Variants in CHD1L observed in about 807,000 individuals in gnomAD.
CHD1L encodes chromodomain helicase DNA binding protein 1 like.
Under a neutral mutation model 115.9 loss-of-function variants are expected in CHD1L, and 118 were observed. The observed-to-expected ratio is 1.02, with a 90% confidence interval of 0.88 to 1.19. The LOEUF is 1.19. Among genes scored for constraint, CHD1L ranks in the 50% most tolerant of loss-of-function variants. The probability of loss-of-function intolerance (pLI) is 0.00; values close to 1 mark genes in which losing one functional copy is unlikely to be tolerated. For synonymous variants in CHD1L, 411 were observed against 387.1 expected (o/e 1.06, Z -0.72); for missense variants, 1,179 against 1,065.3 (o/e 1.11, Z -1.49).
chr1:147,276,124 T>C lies in CHD1L; in HGVS notation c.1406T>C (p.Leu469Pro). 1 of 1,614,172 alleles carries C rather than the reference T, an allele frequency of 6.2e-7. No homozygotes were observed. The highest frequency in any genetic ancestry group is 8.5e-7 in the Non-Finnish European group (1 of 1,180,002). ...GQNKSVKVIR[L>P]IGRDTVEEIV... ...TCCAGGTCTGTTAAAGTTATTCGGC[T>C]GATTGGTCGAGACACTGTGGAAGAA... Residue 469 changes from leucine (L) to proline (P), a missense_variant, in exon 14 of 23, where the codon CTG becomes CCG. By Grantham distance (98) the Leu-to-Pro change is moderately conservative. Coordinates refer to ENST00000369258, the MANE Select transcript of CHD1L (RefSeq NM_004284.6).
At chr1:147,242,903 C>A in intron 1 of CHD1L, 73 bp downstream of exon 1, 1 of 1,235,284 alleles carries the variant, frequency 8.1e-7, no homozygotes, top group Non-Finnish European at 1.0e-6. Flanking sequence ...GCCGGGGGCG[C>A]AGCGGGTGGG....
the CHD1L span, among the ~76,000 whole-genome samples, chr1:147,179,951 T>TG: frequency 7.0e-6 from 1 of 143,622 alleles, no homozygotes; most frequent in South Asian, 2.3e-4. Flanking sequence ...CTTTAAACTG[T>TG]AAAAAAAAAA....
Position 147,264,580 on chromosome 1 carries a change from G to A in CHD1L, c.735G>A (p.Glu245=), listed in dbSNP as rs139274984. The stretch of plus-strand genomic sequence containing the variant: ...ACCAGGATATTGAGAAAGAATCTGA[G>A]TCAGGCAAGTTCCTTTCCTGCAAAT... ...QRYQDIEKES[E]SASELHKLLQ... Residue 245 remains glutamate (E), a synonymous_variant, in exon 7 of 23, where the codon GAG becomes GAA. Coordinates refer to ENST00000369258, the MANE Select transcript of CHD1L (RefSeq NM_004284.6). The A allele has an allele frequency of 2.0e-5, 33 of 1,612,668 alleles. No homozygotes were observed. The highest frequency in any genetic ancestry group is 2.7e-5 in the African/African-American group (2 of 74,820).
rs190149313 is a variant in CHD1L, at chr1:147,293,723, G to C, written c.2506+1G>C. On this transcript the variant is annotated splice_donor_variant, in intron 21 of 22. Transcript: ENST00000369258. LOFTEE classifies it high-confidence loss of function. ...TTTTTAGCAGCAAAAAAGAAGAAAG[G>C]TAAGCTCTTCCACCTGTGCTCAAGA... 1 of 1,609,492 alleles carries C rather than the reference G, an allele frequency of 6.2e-7. No individual in the cohort carries two copies.
the CHD1L span, chr1:147,178,059 C>T: frequency 1.0e-6 from 1 of 989,086 alleles, no homozygotes; most frequent in South Asian, 1.7e-5. Context: ...GCCCGACCGC[C>T]GCAGTCCCAG....
Position 147,254,921 on chromosome 1 carries a change from T to C in CHD1L, c.292T>C (p.Phe98Leu), listed in dbSNP as rs782648240. 1 of 1,612,164 alleles carries C rather than the reference T, an allele frequency of 6.2e-7. No individual in the cohort carries two copies. Among genetic ancestry groups the C allele is most frequent in the Non-Finnish European group, 8.5e-7 (1 of 1,179,340 alleles). The stretch of plus-strand genomic sequence containing the variant: ...AGGAAGATTAAATGATGAAGGGCCA[T>C]TTCTGATTCTTTGTCCCTTGTCTGT... The part of the protein sequence containing the change: ...LAGRLNDEGP[F>L]LILCPLSVLS... Residue 98 changes from phenylalanine to leucine, a missense_variant, in exon 3 of 23, where the codon TTT (phenylalanine) becomes CTT (leucine). Transcript: ENST00000369258.
chr1:147,203,974 A>G, the CHD1L span: 2 of 1,217,154 alleles, frequency 1.6e-6, no homozygotes, highest in East Asian at 2.3e-5. Flanking sequence ...GTCTTCGGAC[A>G]TCCCATTTTG....
the CHD1L span, chr1:147,203,535 T>A: frequency 3.3e-6 from 3 of 912,438 alleles, no homozygotes; most frequent in African/African-American, 4.8e-5. Flanking sequence ...TAGAGATTAC[T>A]TCATTGGCCT....
chr1:147,212,584 T>A, the CHD1L span: 2 of 1,542,690 alleles, frequency 1.3e-6, no homozygotes, highest in Non-Finnish European at 8.8e-7. Context: ...ACATGATAGA[T>A]ATCATTTGTC....
the CHD1L span, among the ~76,000 whole-genome samples, chr1:147,191,737 A>C: frequency 6.6e-6 from 1 of 151,918 alleles, no homozygotes; most frequent in East Asian, 1.9e-4. Flanking sequence ...ATGGCTAGCC[A>C]GTTTTCCCAG....
chr1:147,255,032 C>G, intron 3 of CHD1L, 56 bp downstream of exon 3: 1 of 1,289,826 alleles, frequency 7.8e-7, no homozygotes, highest in African/African-American at 1.5e-5. Context: ...GATTTTTTTT[C>G]TGGATGATGT....
the CHD1L span, among the ~76,000 whole-genome samples, chr1:147,195,525 G>A: frequency 6.6e-6 from 1 of 152,138 alleles, no homozygotes; most frequent in Admixed American, 6.5e-5. Context: ...TAGGGGTTAA[G>A]GCCAAGGGGA....
chr1:147,215,839 G>T, the CHD1L span: 4 of 1,613,494 alleles, frequency 2.5e-6, no homozygotes, highest in Non-Finnish European at 3.4e-6. Flanking sequence ...CATGAAGTTG[G>T]GATAATGATC....
At chr1:147,216,339 C>T in the CHD1L span, among the ~76,000 whole-genome samples, 1 of 152,106 alleles carries the variant, frequency 6.6e-6, no homozygotes, top group Non-Finnish European at 1.5e-5. Flanking sequence ...ATGGCCAGTC[C>T]CCAAAAATTC....
Position 147,272,282 on chromosome 1 carries a change from G to A in CHD1L, c.1270+1G>A, listed in dbSNP as rs1359870350. On this transcript the variant is annotated splice_donor_variant, in intron 12 of 22. Transcript: ENST00000369258. LOFTEE classifies it high-confidence loss of function. ...GTTTTTCTCCTGAGTACTAGGGCAGGTAGGCTGCAAAGGCATTGATGGAAA... is the reference window on the plus strand; with the variant it reads ...GTTTTTCTCCTGAGTACTAGGGCAGATAGGCTGCAAAGGCATTGATGGAAA... 26 of 1,604,608 alleles carry A rather than the reference G, an allele frequency of 1.6e-5. No homozygotes were observed. Among genetic ancestry groups the A allele is most frequent in the Non-Finnish European group, 2.2e-5 (26 of 1,171,406 alleles).
At chr1:147,294,571 G>A (rs1686873062) in intron 22 of CHD1L, 54 bp downstream of exon 22, 1 of 1,391,434 alleles carries the variant, frequency 7.2e-7, no homozygotes, top group Non-Finnish European at 1.0e-6. Flanking sequence ...GGGAAAATGT[G>A]TTCATTTTCT....
chr1:147,256,622 C>A (rs1255774316), intron 5 of CHD1L, 60 bp downstream of exon 5: 5 of 1,522,394 alleles, frequency 3.3e-6, no homozygotes, highest in African/African-American at 2.7e-5. Flanking sequence ...TCATGTCTTT[C>A]CTTCACGTTT....
chr1:147,215,696 G>A, the CHD1L span: 10 of 1,271,114 alleles, frequency 7.9e-6, no homozygotes, highest in African/African-American at 4.5e-5. Context: ...CTGAAACCAC[G>A]TTATTCATTT....
chr1:147,253,089 T>C (rs1281640235), intron 2 of CHD1L, among the ~76,000 whole-genome samples: 2 of 152,244 alleles, frequency 1.3e-5, no homozygotes, highest in East Asian at 3.8e-4. Context: ...CATTGGTCTG[T>C]AATTTTCTTG....
Sources: gnomAD v4.1 joint callset for allele counts (sites outside exome capture counted in the v4.1 genomes callset) on GRCh38, gnomAD v4.1.1 for gene constraint, MANE v1.5 for transcripts, NCBI Gene and HGNC (gene_info 2026-07-23, HGNC 2026-07-21) for gene names.